TBCEL: variants seen among roughly 807,000 people sequenced by gnomAD.
TBCEL encodes the protein tubulin-specific chaperone cofactor E-like protein.
A neutral mutation model predicts 44.2 loss-of-function variants in TBCEL; 15 were observed. The observed-to-expected ratio is 0.34, with a 90% confidence interval of 0.23 to 0.52. The LOEUF (loss-of-function observed/expected upper bound fraction) is 0.52, where lower values mean the gene tolerates loss of function less well. TBCEL is among the 20% of genes least tolerant of loss of function. The probability of loss-of-function intolerance (pLI) is 0.95; values close to 1 mark genes in which losing one functional copy is unlikely to be tolerated. For synonymous variants in TBCEL, 171 were observed against 185.4 expected (o/e 0.92, Z 0.63); for missense variants, 319 against 506.3 (o/e 0.63, Z 3.55).
intron 2 of TBCEL, among the ~76,000 whole-genome samples, chr11:121,044,852 T>C (rs894684021): frequency 1.3e-5 from 2 of 152,092 alleles, no homozygotes; most frequent in African/African-American, 4.8e-5. Context: ...TTTTGTATTA[T>C]TTAGGATTAG....
intron 2 of TBCEL, among the ~76,000 whole-genome samples, chr11:121,038,711 C>T (rs1020970087): frequency 1.3e-5 from 2 of 152,152 alleles, no homozygotes; most frequent in African/African-American, 4.8e-5. Context: ...CCTCCCCCGA[C>T]CCCCTGCAAA....
intron 5 of TBCEL, among the ~76,000 whole-genome samples, chr11:121,054,501 AGTTTCCTT>A (rs1323767166): frequency 6.6e-6 from 1 of 151,928 alleles, no homozygotes; most frequent in African/African-American, 2.4e-5. Flanking sequence ...CTTTGAGCTC[AGTTTCCTT>A]GTCTGTAAAA....
chr11:121,072,995 T>G (rs1239307912), intron 8 of TBCEL, among the ~76,000 whole-genome samples: 1 of 152,156 alleles, frequency 6.6e-6, no homozygotes, highest in Admixed American at 6.6e-5. Context: ...GACCCTGTTC[T>G]ATTCCATTGG....
chr11:121,074,001 CTG>C (rs1162793405), intron 8 of TBCEL, among the ~76,000 whole-genome samples: 5 of 151,676 alleles, frequency 3.3e-5, no homozygotes, highest in African/African-American at 1.2e-4. Flanking sequence ...TAAAATTGGT[CTG>C]TAATTTTTTG....
At chr11:121,053,783 G>A (rs1945570499) in intron 5 of TBCEL, 51 bp downstream of exon 5, 1 of 1,547,962 alleles carries the variant, frequency 6.5e-7, no homozygotes, top group Admixed American at 1.8e-5. Context: ...ATCTGTGTTA[G>A]TACATAGGAG....
At chr11:121,069,796 A>T (rs1386754053) in intron 8 of TBCEL, among the ~76,000 whole-genome samples, 1 of 152,138 alleles carries the variant, frequency 6.6e-6, no homozygotes. Flanking sequence ...TCTGAAAAAA[A>T]AAAAGTAGTT....
chr11:121,086,362 C>T (rs1431912803), intron 8 of TBCEL, among the ~76,000 whole-genome samples: 1 of 152,202 alleles, frequency 6.6e-6, no homozygotes, highest in Non-Finnish European at 1.5e-5. Flanking sequence ...TTCTCCAGGC[C>T]TCAGAAACTG....
At chr11:121,052,699 T>C (rs536269369) in intron 4 of TBCEL, among the ~76,000 whole-genome samples, 1 of 152,006 alleles carries the variant, frequency 6.6e-6, no homozygotes, top group African/African-American at 2.4e-5. Context: ...TGTATAAATA[T>C]GGTATATTGG....
intron 4 of TBCEL, chr11:121,047,935 TAA>T (rs141948107): frequency 6.3e-4 from 72 of 115,118 alleles, no homozygotes; most frequent in Middle Eastern, 5.1e-3. Context: ...ATCTTTAATT[TAA>T]AAAAAAAAAA....
intron 4 of TBCEL, among the ~76,000 whole-genome samples, chr11:121,050,732 A>G (rs148266054): frequency 6.6e-6 from 1 of 151,822 alleles, no homozygotes; most frequent in East Asian, 1.9e-4. Context: ...TTGTTGTCTT[A>G]AAACCCTTTT....
Position 121,086,968 on chromosome 11 carries a change from A to C in TBCEL, c.1147A>C (p.Met383Leu). Residue 383 changes from methionine to leucine, a missense_variant, in exon 9 of 9, where the codon ATG becomes CTG. By Grantham distance (15) the Met-to-Leu change is conservative. Coordinates refer to ENST00000683345, the MANE Select transcript of TBCEL (RefSeq NM_001363644.2). ...TCTAGTACAATTACCCACAAGCAAC[A>C]TGCTTCTCTACTATTTTGACCATGA... Reference protein sequence around the residue: ...KTLVQLPTSNMLLYYFDHEAP... With the variant: ...KTLVQLPTSNLLLYYFDHEAP... 1.9e-6 allele frequency: 3 copies of C among 1,614,074 alleles called. No individual in the cohort carries two copies. The highest frequency in any genetic ancestry group is 2.5e-6 in the Non-Finnish European group (3 of 1,179,988).
chr11:121,050,218 A>G (rs763440831), intron 4 of TBCEL, among the ~76,000 whole-genome samples: 6 of 151,750 alleles, frequency 4.0e-5, no homozygotes, highest in Non-Finnish European at 7.4e-5. Flanking sequence ...CGCCTGTTTT[A>G]GGACATTACA....
chr11:121,090,188 T>C lies in TBCEL; in HGVS notation c.*3092T>C, dbSNP rs187052618. ...ATAACAGGGCTGAATGCTACAGTGT[T>C]GTTTTTAAAGATTTTGCTTATTTTT... On this transcript the variant is annotated 3_prime_UTR_variant, in exon 9 of 9. Coordinates refer to ENST00000683345, the MANE Select transcript of TBCEL (RefSeq NM_001363644.2). The C allele has an allele frequency of 1.4e-4, 21 of 152,328 alleles. No homozygotes were observed. Among genetic ancestry groups the C allele is most frequent in the African/African-American group, 5.0e-4 (21 of 41,588 alleles). The allele number at this position is 152,328 out of a possible 1,614,324, so 9.4% of individuals were successfully genotyped here. A position where few individuals can be genotyped will look rare whatever the true frequency, so the allele number is the denominator to read the frequency against.
intron 1 of TBCEL, among the ~76,000 whole-genome samples, chr11:121,024,698 G>C (rs1173156568): frequency 5.3e-5 from 8 of 152,130 alleles, no homozygotes; most frequent in Non-Finnish European, 1.2e-4. Context: ...GGGACTGCTG[G>C]GGAAATAGGA....
At chr11:121,029,255 G>A (rs1945101652) in intron 1 of TBCEL, among the ~76,000 whole-genome samples, 1 of 152,012 alleles carries the variant, frequency 6.6e-6, no homozygotes, top group African/African-American at 2.4e-5. Flanking sequence ...TGTCTTTTTG[G>A]AGGGAAAAAC....
chr11:121,057,421 C>T (rs911566624), intron 6 of TBCEL: 8 of 287,472 alleles, frequency 2.8e-5, no homozygotes, highest in African/African-American at 9.0e-5. Context: ...AGAAGAGTTT[C>T]ATTTTAGGAC....
At chr11:121,032,777 G>A (rs1304952063) in intron 1 of TBCEL, among the ~76,000 whole-genome samples, 1 of 152,204 alleles carries the variant, frequency 6.6e-6, no homozygotes, top group Non-Finnish European at 1.5e-5. Flanking sequence ...GCTGAAACAA[G>A]AAGGCGTAGT....
At position 121,088,583 on chromosome 11, in the gene TBCEL, A is replaced by G. The variant is rs1054060452; in HGVS notation, c.*1487A>G. 1.3e-5 allele frequency: 2 copies of G among 152,164 alleles called. No individual in the cohort carries two copies. Among genetic ancestry groups the G allele is most frequent in the African/African-American group, 4.8e-5 (2 of 41,446 alleles). The allele number at this position is 152,164 out of a possible 1,614,324, so 9.4% of individuals were successfully genotyped here. A position where few individuals can be genotyped will look rare whatever the true frequency, so the allele number is the denominator to read the frequency against. On this transcript the variant is annotated 3_prime_UTR_variant, in exon 9 of 9. Transcript: ENST00000683345. ...TGTGTAAGTGAAGTATTTTTCAAAG[A>G]ATGCAGTTATTATCTGATTGCATTT...
intron 8 of TBCEL, among the ~76,000 whole-genome samples, chr11:121,082,699 C>T (rs981908407): frequency 1.3e-5 from 2 of 152,174 alleles, no homozygotes; most frequent in Admixed American, 6.5e-5. Context: ...GGATTTCATA[C>T]AGTGAATAAA....
Sources: gnomAD v4.1 joint callset for allele counts (sites outside exome capture counted in the v4.1 genomes callset) on GRCh38, gnomAD v4.1.1 for gene constraint, MANE v1.5 for transcripts, NCBI Gene and HGNC (gene_info 2026-07-23, HGNC 2026-07-21) for gene names.